AMPH: variants seen among roughly 807,000 people sequenced by gnomAD.
AMPH encodes amphiphysin (Stiff-Mann syndrome with breast cancer 128kD autoantigen).
Under a neutral mutation model 99.1 loss-of-function variants are expected in AMPH, and 49 were observed. That is an observed-to-expected ratio of 0.49 (90% CI 0.39 to 0.63). The LOEUF (loss-of-function observed/expected upper bound fraction) is 0.63. AMPH is among the 20% of genes least tolerant of loss of function. AMPH has a pLI of 0.00. For missense variants in AMPH, 759 were observed against 863.4 expected, an observed-to-expected ratio of 0.88 and a Z score of 1.52; for synonymous variants, 314 against 317.3, an observed-to-expected ratio of 0.99 and a Z score of 0.11.
At chr7:38,550,579 G>A (rs906565736) in intron 1 of AMPH, among the ~76,000 whole-genome samples, 8 of 152,092 alleles carry the variant, frequency 5.3e-5, no homozygotes, top group Non-Finnish European at 2.9e-5. Context: ...GTATATAAGT[G>A]TCATTTTGTT....
chr7:38,415,331 A>T (rs1785342376), intron 17 of AMPH, among the ~76,000 whole-genome samples: 1 of 152,180 alleles, frequency 6.6e-6, no homozygotes, highest in Admixed American at 6.5e-5. Flanking sequence ...TTGAACTAAT[A>T]ATTATGGTGA....
intron 17 of AMPH, among the ~76,000 whole-genome samples, chr7:38,416,393 G>A (rs1295699830): frequency 6.6e-6 from 1 of 152,008 alleles, no homozygotes; most frequent in Non-Finnish European, 1.5e-5. Flanking sequence ...TGGGCATGAT[G>A]GCATTAAGCC....
chr7:38,418,319 G>C (rs562901050), intron 16 of AMPH, among the ~76,000 whole-genome samples: 2 of 152,234 alleles, frequency 1.3e-5, no homozygotes, highest in East Asian at 3.9e-4. Flanking sequence ...CAGAGAGAGA[G>C]AGAGAGACAG....
At chr7:38,521,641 C>T (rs886443448) in intron 2 of AMPH, among the ~76,000 whole-genome samples, 12 of 151,170 alleles carry the variant, frequency 7.9e-5, no homozygotes, top group Non-Finnish European at 1.6e-4. Flanking sequence ...TGCATCATCT[C>T]TTTTTTTTTA....
rs111423103 is a variant in AMPH, at chr7:38,548,759, G to T, written c.70-13748C>A. Among the ~76,000 whole-genome samples, 69 of 152,348 alleles carry T rather than the reference G, an allele frequency of 4.5e-4. 1 individual carries two copies. The Middle Eastern group carries it at 0.027, about 60-fold the overall frequency. On this transcript the variant is annotated intron_variant, in intron 1 of 20. Coordinates refer to ENST00000356264, the MANE Select transcript of AMPH (RefSeq NM_001635.4). The stretch of plus-strand genomic sequence containing the variant: ...TGTCTGATTTACATAGGGCACAAAA[G>T]ATTGGTTGGACAAGGTGTGCCACTT...
At chr7:38,415,624 G>A (rs1215139016) in intron 17 of AMPH, among the ~76,000 whole-genome samples, 2 of 152,136 alleles carry the variant, frequency 1.3e-5, no homozygotes, top group African/African-American at 2.4e-5. Context: ...AAGGGAGAAC[G>A]AGGGGAAAAA....
chr7:38,562,371 C>A (rs547601712), intron 1 of AMPH, among the ~76,000 whole-genome samples: 1 of 152,232 alleles, frequency 6.6e-6, no homozygotes, highest in South Asian at 2.1e-4. Context: ...CTAATTAAAT[C>A]AATTAATTTT....
chr7:38,388,555 T>C (rs2128973113), intron 20 of AMPH, among the ~76,000 whole-genome samples: 1 of 152,198 alleles, frequency 6.6e-6, no homozygotes, highest in Non-Finnish European at 1.5e-5. Flanking sequence ...TAACTCACAC[T>C]ATGATTTATT....
intron 7 of AMPH, among the ~76,000 whole-genome samples, chr7:38,469,186 A>G (rs867567824): frequency 0.021 from 1,163 of 55,276 alleles, 197 homozygotes; most frequent in Admixed American, 0.031. Context: ...AAAAAAAAAA[A>G]AAGAACATAC....
At chr7:38,420,021 T>G (rs1158059480) in intron 16 of AMPH, among the ~76,000 whole-genome samples, 1 of 152,196 alleles carries the variant, frequency 6.6e-6, no homozygotes, top group African/African-American at 2.4e-5. Flanking sequence ...TGTTGAAATT[T>G]GACAGTGCAG....
chr7:38,477,440 A>T (rs17171384), intron 5 of AMPH, among the ~76,000 whole-genome samples: 14,737 of 152,206 alleles, frequency 0.097, 959 homozygotes, highest in Middle Eastern at 0.19. Context: ...CCTACAAGTG[A>T]TTCTCAATAC....
intron 1 of AMPH, among the ~76,000 whole-genome samples, chr7:38,609,757 G>GT (rs1793561638): frequency 2.1e-5 from 1 of 47,332 alleles, no homozygotes; most frequent in Admixed American, 1.8e-4. Flanking sequence ...GATTGCAGGT[G>GT]CTGTGTTAAT....
intron 1 of AMPH, among the ~76,000 whole-genome samples, chr7:38,603,588 A>G (rs1793330520): frequency 6.6e-6 from 1 of 152,186 alleles, no homozygotes; most frequent in South Asian, 2.1e-4. Flanking sequence ...ATGGTGGCTT[A>G]AAACAGTGGT....
intron 1 of AMPH, among the ~76,000 whole-genome samples, chr7:38,565,481 T>A (rs971180155): frequency 1.3e-5 from 2 of 151,908 alleles, no homozygotes; most frequent in African/African-American, 4.8e-5. Flanking sequence ...TCACATGGTC[T>A]TTTTTTCTGT....
At chr7:38,610,269 A>G (rs867291317) in intron 1 of AMPH, among the ~76,000 whole-genome samples, 22 of 28,820 alleles carry the variant, frequency 7.6e-4, no homozygotes, top group African/African-American at 1.7e-3. Flanking sequence ...AAAAAGAAAG[A>G]AAGAAAGAAA....
In AMPH at chr7:38,391,831, A is replaced by T. The variant is rs1181799658; in HGVS notation, c.1795T>A (p.Ser599Thr). ...TCAGCAGCCCCCATGGCTGGTGCAG[A>T]AGGCGTGGGCTGAGGGTCCTGGATA... is the stretch of plus-strand genomic sequence containing the variant. ...KPIQDPQPTP[S>T]APAMGAADQL... The change falls in exon 19 of 21, where the codon TCT (serine) becomes ACT (threonine). Residue 599 changes from serine (S) to threonine (T), a missense_variant. Transcript: ENST00000356264. 6.2e-7 allele frequency: 1 copy of T among 1,613,730 alleles called. No individual in the cohort carries two copies. Among genetic ancestry groups the T allele is most frequent in the Non-Finnish European group, 8.5e-7 (1 of 1,179,960 alleles).
At position 38,491,191 on chromosome 7, in the gene AMPH, C is replaced by A. The variant is rs1190242036; in HGVS notation, c.301-46G>T. On this transcript the variant is annotated intron_variant, in intron 4 of 20. Transcript: ENST00000356264. Reference sequence around the variant, plus strand: ...ACTGCTGAATTATTTTAATTGGATACCTTTCACCAAACTTCTAAAAAAATC... The same window carrying A: ...ACTGCTGAATTATTTTAATTGGATAACTTTCACCAAACTTCTAAAAAAATC... 4.6e-6 allele frequency: 6 copies of A among 1,312,028 alleles called. No individual in the cohort carries two copies. The Admixed American group carries it at 6.1e-5, about 13-fold the overall frequency. 81.3% of individuals were successfully genotyped at this position (1,312,028 alleles called of 1,614,324 possible). A position where few individuals can be genotyped will look rare whatever the true frequency, so the allele number is the denominator to read the frequency against.
intron 17 of AMPH, among the ~76,000 whole-genome samples, chr7:38,408,258 G>A (rs1167638201): frequency 6.6e-6 from 1 of 152,174 alleles, no homozygotes; most frequent in Non-Finnish European, 1.5e-5. Context: ...CAAAGAATGT[G>A]AGTGTATTCT....
intron 1 of AMPH, among the ~76,000 whole-genome samples, chr7:38,577,132 G>A (rs1215038824): frequency 6.6e-6 from 1 of 152,206 alleles, no homozygotes; most frequent in African/African-American, 2.4e-5. Flanking sequence ...GGCATAGGCA[G>A]AGGATATGCT....
Sources: gnomAD v4.1 joint callset for allele counts (sites outside exome capture counted in the v4.1 genomes callset) on GRCh38, gnomAD v4.1.1 for gene constraint, MANE v1.5 for transcripts, NCBI Gene and HGNC (gene_info 2026-07-23, HGNC 2026-07-21) for gene names.